Variants in ANK3 observed in about 807,000 individuals in gnomAD.
ANK3 encodes ankyrin 3.
A neutral mutation model predicts 370.9 loss-of-function variants in ANK3; 57 were observed. The observed-to-expected ratio is 0.15, with a 90% CI of 0.12 to 0.19. The LOEUF (loss-of-function observed/expected upper bound fraction) is 0.19. Among genes scored for constraint, ANK3 ranks in the 10% least tolerant of loss-of-function variants. ANK3 has a pLI of 1.00. For synonymous variants in ANK3, 1,929 were observed against 1,946.3 expected, an observed-to-expected ratio of 0.99 and a Z score of 0.23; for missense variants, 4,439 against 5,302.1, an observed-to-expected ratio of 0.84 and a Z score of 5.06.
intron 1 of ANK3, among the ~76,000 whole-genome samples, chr10:60,704,474 T>A (rs1589053061): frequency 6.6e-6 from 1 of 152,208 alleles, no homozygotes; most frequent in East Asian, 1.9e-4. Flanking sequence ...AAAACAAGTA[T>A]CTGAGAAATA....
chr10:60,637,858 C>A (rs1021578771), intron 1 of ANK3, among the ~76,000 whole-genome samples: 1 of 152,106 alleles, frequency 6.6e-6, no homozygotes, highest in Non-Finnish European at 1.5e-5. Context: ...ATATTTGTAA[C>A]AATGTTTATT....
At chr10:60,551,484 T>C (rs1286600853) in intron 2 of ANK3, among the ~76,000 whole-genome samples, 1 of 152,190 alleles carries the variant, frequency 6.6e-6, no homozygotes, top group Non-Finnish European at 1.5e-5. Flanking sequence ...AGAAGATATG[T>C]ATGTACAAAC....
chr10:60,279,273 G>C, intron 2 of ANK3, 125 bp from the exon 3 acceptor site: 1 of 826,346 alleles, frequency 1.2e-6, no homozygotes, highest in Non-Finnish European at 2.0e-6. Flanking sequence ...TGCTGTGCAG[G>C]AACTTGAATC....
intron 2 of ANK3, among the ~76,000 whole-genome samples, chr10:60,563,708 A>C (rs776469133): frequency 2.6e-5 from 4 of 152,134 alleles, no homozygotes; most frequent in Non-Finnish European, 5.9e-5. Context: ...TTGGATTTTG[A>C]AATTATGGAG....
At chr10:60,580,472 C>T (rs2077736202) in intron 2 of ANK3, among the ~76,000 whole-genome samples, 1 of 152,120 alleles carries the variant, frequency 6.6e-6, no homozygotes, top group African/African-American at 2.4e-5. Flanking sequence ...TTTCTAACCA[C>T]CTCTATAAAA....
intron 1 of ANK3, among the ~76,000 whole-genome samples, chr10:60,298,432 A>T (rs923842645): frequency 9.2e-5 from 14 of 152,204 alleles, no homozygotes; most frequent in African/African-American, 3.4e-4. Context: ...TCAGTCTTCC[A>T]TTCAAGTCAG....
chr10:60,404,151 T>C (rs577152296), intron 2 of ANK3, among the ~76,000 whole-genome samples: 1 of 152,252 alleles, frequency 6.6e-6, no homozygotes, highest in African/African-American at 2.4e-5. Flanking sequence ...GATCCAATAT[T>C]ATTAAAATGA....
intron 1 of ANK3, among the ~76,000 whole-genome samples, chr10:60,624,693 C>T (rs192258140): frequency 5.3e-5 from 8 of 149,944 alleles, no homozygotes; most frequent in Admixed American, 2.0e-4. Context: ...AGAAACCCTC[C>T]GCAACAGTGC....
intron 2 of ANK3, among the ~76,000 whole-genome samples, chr10:60,546,255 C>T (rs984559735): frequency 3.9e-5 from 6 of 152,090 alleles, no homozygotes; most frequent in Admixed American, 6.6e-5. Context: ...AGATTGGTCT[C>T]GAACTCCTGG....
intron 8 of ANK3, among the ~76,000 whole-genome samples, chr10:60,221,879 C>T (rs1397510229): frequency 2.6e-5 from 4 of 152,164 alleles, no homozygotes. Flanking sequence ...CATGTGGCAT[C>T]TAAAGACTCA....
intron 1 of ANK3, among the ~76,000 whole-genome samples, chr10:60,725,273 C>A (rs1256252584): frequency 6.6e-6 from 1 of 152,128 alleles, no homozygotes; most frequent in South Asian, 2.1e-4. Flanking sequence ...GACGTGCACC[C>A]GCCATTTTTC....
chr10:60,691,678 G>C (rs2079355510), intron 1 of ANK3, among the ~76,000 whole-genome samples: 1 of 152,208 alleles, frequency 6.6e-6, no homozygotes, highest in Middle Eastern at 3.4e-3. Context: ...TATTATAAAA[G>C]GTCAATTATA....
intron 1 of ANK3, among the ~76,000 whole-genome samples, chr10:60,312,665 T>A (rs1254817387): frequency 1.3e-5 from 2 of 152,230 alleles, no homozygotes; most frequent in Non-Finnish European, 2.9e-5. Flanking sequence ...ACACAGCTTG[T>A]TAACAGGTTT....
chr10:60,325,059 T>C (rs1040933617), intron 1 of ANK3, among the ~76,000 whole-genome samples: 1 of 152,232 alleles, frequency 6.6e-6, no homozygotes, highest in African/African-American at 2.4e-5. Context: ...CCTGGTTAGA[T>C]GGTGAACACT....
chr10:60,636,281 T>C (rs1157938806), intron 1 of ANK3, among the ~76,000 whole-genome samples: 1 of 152,146 alleles, frequency 6.6e-6, no homozygotes, highest in African/African-American at 2.4e-5. Context: ...CTAGATCTAA[T>C]CGTGAATATA....
chr10:60,158,716 C>T (rs1348845816), intron 23 of ANK3, among the ~76,000 whole-genome samples: 2 of 134,040 alleles, frequency 1.5e-5, no homozygotes, highest in African/African-American at 3.0e-5. Flanking sequence ...CATTCTGTCA[C>T]CCACGCTGGA....
intron 2 of ANK3, among the ~76,000 whole-genome samples, chr10:60,568,966 C>A (rs931423689): frequency 6.6e-6 from 1 of 152,100 alleles, no homozygotes; most frequent in African/African-American, 2.4e-5. Context: ...CTAGGACTAA[C>A]CATGCTGACA....
intron 42 of ANK3, among the ~76,000 whole-genome samples, chr10:60,047,694 C>T (rs1419972389): frequency 6.6e-6 from 1 of 152,124 alleles, no homozygotes; most frequent in Non-Finnish European, 1.5e-5. Flanking sequence ...AATAAAAATA[C>T]AGTTGTACTA....
At chr10:60,125,768 ATTC>A (rs2093725555) in intron 25 of ANK3, among the ~76,000 whole-genome samples, 2 of 152,166 alleles carry the variant, frequency 1.3e-5, no homozygotes, top group South Asian at 2.1e-4. Flanking sequence ...TGGGTTAGGT[ATTC>A]TTCTCCCTTC....
Sources: allele counts gnomAD v4.1 joint callset (sites outside exome capture counted in the v4.1 genomes callset), GRCh38; gene constraint gnomAD v4.1.1; transcripts MANE v1.5; gene names NCBI Gene and HGNC (gene_info 2026-07-23, HGNC 2026-07-21).